GNA12: variants seen among roughly 807,000 people sequenced by gnomAD.
GNA12 encodes the protein G protein subunit alpha 12.
A neutral mutation model predicts 26.0 loss-of-function variants in GNA12; 9 were observed. The ratio of observed to expected loss-of-function variants is 0.35; its 90% CI spans 0.21 to 0.60. The LOEUF (loss-of-function observed/expected upper bound fraction) is 0.60, where lower values mean the gene tolerates loss of function less well. Ranked by LOEUF, GNA12 falls within the 20% of genes least tolerant of loss-of-function variation. The pLI, the probability that GNA12 is intolerant of heterozygous loss-of-function variation, is 0.78. For missense variants in GNA12, 405 were observed against 525.8 expected, an observed-to-expected ratio of 0.77 and a Z score of 2.25; for synonymous variants, 264 against 219.6, an observed-to-expected ratio of 1.20 and a Z score of -1.79.
chr7:2,818,988 G>C (rs1022780705), intron 1 of GNA12, among the ~76,000 whole-genome samples: 2 of 152,172 alleles, frequency 1.3e-5, no homozygotes, highest in African/African-American at 2.4e-5. Flanking sequence ...CTAGGTGAAA[G>C]GTCTTTGCAG....
chr7:2,808,833 C>T (rs140525108), intron 1 of GNA12, among the ~76,000 whole-genome samples: 19 of 152,344 alleles, frequency 1.2e-4, no homozygotes, highest in Middle Eastern at 3.4e-3. Flanking sequence ...TCTTATCACC[C>T]GCTTTGTTCA....
chr7:2,791,108 A>T (rs993280334), intron 2 of GNA12, among the ~76,000 whole-genome samples: 2 of 152,242 alleles, frequency 1.3e-5, no homozygotes, highest in Non-Finnish European at 2.9e-5. Flanking sequence ...AGCTATATTT[A>T]AAAATGCTAA....
chr7:2,838,307 G>C (rs73033403), intron 1 of GNA12, among the ~76,000 whole-genome samples: 1 of 151,810 alleles, frequency 6.6e-6, no homozygotes, highest in East Asian at 1.9e-4. Context: ...CAGCCAGGGA[G>C]GATCGCTCAT....
intron 2 of GNA12, among the ~76,000 whole-genome samples, chr7:2,734,482 A>G (rs1790057569): frequency 6.6e-6 from 1 of 152,160 alleles, no homozygotes. Flanking sequence ...GGTCATACAC[A>G]TGTGGCGAGC....
intron 1 of GNA12, chr7:2,815,231 G>A (rs756603854): frequency 1.8e-5 from 6 of 334,948 alleles, no homozygotes; most frequent in East Asian, 1.5e-4. Context: ...GCCAGTCAGC[G>A]GACCTACAGT....
chr7:2,835,667 C>T, intron 1 of GNA12: 1 of 995,078 alleles, frequency 1.0e-6, no homozygotes, highest in Non-Finnish European at 1.6e-6. Flanking sequence ...GTCAATGTTA[C>T]TTTCGAAGAG....
chr7:2,760,655 C>A (rs1791511370), intron 2 of GNA12, among the ~76,000 whole-genome samples: 2 of 152,208 alleles, frequency 1.3e-5, no homozygotes, highest in Non-Finnish European at 2.9e-5. Context: ...GTCACTGTCC[C>A]TTTAAACCTT....
At chr7:2,805,046 C>T (rs1234419444) in intron 1 of GNA12, among the ~76,000 whole-genome samples, 1 of 152,188 alleles carries the variant, frequency 6.6e-6, no homozygotes, top group African/African-American at 2.4e-5. Flanking sequence ...TCCTCCTGAT[C>T]CAACCTGGTC....
intron 2 of GNA12, among the ~76,000 whole-genome samples, chr7:2,776,462 G>A (rs533888171): frequency 1.1e-4 from 17 of 152,204 alleles, no homozygotes; most frequent in Non-Finnish European, 2.1e-4. Context: ...ACAGAGCAGC[G>A]GAACGGGGAG....
chr7:2,835,780 C>A (rs187092200), intron 1 of GNA12: 5 of 721,178 alleles, frequency 6.9e-6, no homozygotes, highest in Admixed American at 5.8e-5. Flanking sequence ...AGAAGATGCT[C>A]GTGACGGTAC....
intron 2 of GNA12, among the ~76,000 whole-genome samples, chr7:2,774,261 ATG>A (rs1288710899): frequency 1.3e-5 from 2 of 152,158 alleles, no homozygotes; most frequent in Admixed American, 1.3e-4. Context: ...ATATACACAC[ATG>A]CATGCATATA....
chr7:2,733,435 G>C lies in GNA12; in HGVS notation c.576+16C>G. 6.2e-7 allele frequency: 1 copy of C among 1,611,544 alleles called. No individual in the cohort carries two copies. Among genetic ancestry groups the C allele is most frequent in the Non-Finnish European group, 8.5e-7 (1 of 1,178,132 alleles). On this transcript the variant is annotated intron_variant, in intron 3 of 3. Coordinates refer to ENST00000275364, the MANE Select transcript of GNA12 (RefSeq NM_007353.3). ...ACCCTGGAGCCCAGCTTCTTCGGGCGGGCGTGCTTACTCACCAGCTGGCCG... is the reference window on the plus strand; with the variant it reads ...ACCCTGGAGCCCAGCTTCTTCGGGCCGGCGTGCTTACTCACCAGCTGGCCG...
intron 1 of GNA12, among the ~76,000 whole-genome samples, chr7:2,825,467 A>G (rs1280826688): frequency 9.8e-5 from 15 of 152,298 alleles, no homozygotes; most frequent in Admixed American, 7.2e-4. Context: ...TCTTTTCCCT[A>G]AAGGGGTGTG....
At chr7:2,770,369 T>G (rs1006600066) in intron 2 of GNA12, among the ~76,000 whole-genome samples, 3 of 152,208 alleles carry the variant, frequency 2.0e-5, no homozygotes, top group Non-Finnish European at 4.4e-5. Context: ...CAATAGCCTC[T>G]AGAACCATAT....
intron 2 of GNA12, among the ~76,000 whole-genome samples, chr7:2,745,848 GA>G (rs1490482502): frequency 3.3e-5 from 5 of 152,024 alleles, no homozygotes; most frequent in African/African-American, 1.2e-4. Context: ...ATGGAAAACA[GA>G]AAAACGCAGG....
intron 2 of GNA12, among the ~76,000 whole-genome samples, chr7:2,783,208 T>C (rs1009111310): frequency 1.3e-5 from 2 of 152,140 alleles, no homozygotes; most frequent in African/African-American, 2.4e-5. Flanking sequence ...GGAATCTCCA[T>C]GGTTTAGGGT....
At chr7:2,747,602 A>C (rs1387052323) in intron 2 of GNA12, among the ~76,000 whole-genome samples, 2 of 152,218 alleles carry the variant, frequency 1.3e-5, no homozygotes, top group Non-Finnish European at 2.9e-5. Flanking sequence ...TCCCTTTGAA[A>C]ACTGGCACAA....
chr7:2,737,261 A>T (rs928932198), intron 2 of GNA12, among the ~76,000 whole-genome samples: 32 of 115,584 alleles, frequency 2.8e-4, no homozygotes, highest in African/African-American at 1.1e-3. Flanking sequence ...GAGCTATCTC[A>T]CAGTTTTGTT....
At chr7:2,841,611 T>C (rs768300421) in intron 1 of GNA12, among the ~76,000 whole-genome samples, 13 of 152,098 alleles carry the variant, frequency 8.5e-5, no homozygotes, top group Non-Finnish European at 1.6e-4. Context: ...AAGGGTGTTT[T>C]ATCAAATTAT....
Sources: allele counts gnomAD v4.1 joint callset (sites outside exome capture counted in the v4.1 genomes callset), GRCh38; gene constraint gnomAD v4.1.1; transcripts MANE v1.5; gene names NCBI Gene and HGNC (gene_info 2026-07-23, HGNC 2026-07-21).